The following TBC1D19 variants were observed in gnomAD, a reference collection of about 807,000 sequenced individuals.
The protein encoded by TBC1D19 is TBC1 domain family, member 19.
TBC1D19 carries 60 observed loss-of-function variants against 89.0 expected under a neutral mutation model. The ratio of observed to expected loss-of-function variants is 0.67; its 90% CI spans 0.55 to 0.84. The LOEUF (loss-of-function observed/expected upper bound fraction) is 0.84. Among genes scored for constraint, TBC1D19 ranks in the 40% least tolerant of loss-of-function variants. The pLI, the probability that TBC1D19 is intolerant of heterozygous loss-of-function variation, is 0.00. For synonymous variants in TBC1D19, 189 were observed against 199.7 expected (o/e 0.95, Z 0.45); for missense variants, 500 against 610.8 (o/e 0.82, Z 1.91).
chr4:26,821,125 C>T, the TBC1D19 span, among the ~76,000 whole-genome samples: 2 of 152,230 alleles, frequency 1.3e-5, no homozygotes, highest in Non-Finnish European at 1.5e-5. Flanking sequence ...GAGCAGTTAG[C>T]AGTTCCAGAC....
At chr4:26,769,673 G>A in the TBC1D19 span, among the ~76,000 whole-genome samples, 1 of 151,920 alleles carries the variant, frequency 6.6e-6, no homozygotes, top group African/African-American at 2.4e-5. Flanking sequence ...CTCCCAGGGA[G>A]TAGTTGGGAC....
At chr4:26,831,591 C>CTT in the TBC1D19 span, among the ~76,000 whole-genome samples, 26 of 99,874 alleles carry the variant, frequency 2.6e-4, no homozygotes, top group East Asian at 6.2e-4. Flanking sequence ...TTTTTTTTTT[C>CTT]TTTTTTTTTT....
intron 8 of TBC1D19, among the ~76,000 whole-genome samples, chr4:26,664,720 C>G (rs1396871939): frequency 2.1e-4 from 32 of 151,964 alleles, no homozygotes; most frequent in Admixed American, 2.0e-3. Context: ...TTGCCCACTC[C>G]CAGCTCGAAT....
At chr4:26,656,069 A>G (rs1389484134) in intron 7 of TBC1D19, among the ~76,000 whole-genome samples, 2 of 152,152 alleles carry the variant, frequency 1.3e-5, no homozygotes, top group Non-Finnish European at 2.9e-5. Context: ...TTTTACTTAA[A>G]AATATTTTTA....
chr4:26,832,981 A>C, the TBC1D19 span, among the ~76,000 whole-genome samples: 3 of 152,178 alleles, frequency 2.0e-5, no homozygotes, highest in Non-Finnish European at 4.4e-5. Context: ...ATGAGAGAGC[A>C]AGACCCTGTC....
chr4:26,746,912 G>T (rs576273210), intron 18 of TBC1D19, among the ~76,000 whole-genome samples: 1 of 152,124 alleles, frequency 6.6e-6, no homozygotes, highest in Non-Finnish European at 1.5e-5. Flanking sequence ...TAACCAATGT[G>T]GCTTCTAAGT....
At chr4:26,783,618 A>T in the TBC1D19 span, among the ~76,000 whole-genome samples, 1 of 152,226 alleles carries the variant, frequency 6.6e-6, no homozygotes, top group African/African-American at 2.4e-5. Flanking sequence ...ATCCACTTTT[A>T]TGCAAAAGAA....
At chr4:26,814,489 C>T in the TBC1D19 span, among the ~76,000 whole-genome samples, 4,855 of 152,278 alleles carry the variant, frequency 0.032, 244 homozygotes, top group African/African-American at 0.11. Context: ...GACGTGGCTA[C>T]AGATGACTAG....
intron 3 of TBC1D19, among the ~76,000 whole-genome samples, chr4:26,617,206 G>A (rs1168695174): frequency 7.9e-5 from 12 of 152,146 alleles, no homozygotes; most frequent in Admixed American, 7.9e-4. Context: ...GGCAAGAGGG[G>A]GTTTAACCCA....
chr4:26,614,470 A>G lies in TBC1D19; in HGVS notation c.218+17A>G. On this transcript the variant is annotated intron_variant, in intron 3 of 20. Coordinates refer to ENST00000264866, the MANE Select transcript of TBC1D19 (RefSeq NM_018317.4). ...ACTGAGTGTGTGAGTTTTCCCACCT[A>G]TTTTACAATAGTATTTTGTTTAGCT... The G allele has an allele frequency of 1.3e-6, 2 of 1,573,324 alleles. No homozygotes were observed.
intron 19 of TBC1D19, among the ~76,000 whole-genome samples, chr4:26,748,892 C>T (rs62300967): frequency 0.38 from 57,106 of 152,008 alleles, 11,737 homozygotes; most frequent in Non-Finnish European, 0.47. Flanking sequence ...GCTACCTTAG[C>T]AGTCTGTTCT....
At chr4:26,627,038 C>T (rs10000211) in intron 4 of TBC1D19, among the ~76,000 whole-genome samples, 68,563 of 151,454 alleles carry the variant, frequency 0.45, 17,283 homozygotes, top group Admixed American at 0.6. Context: ...ATCCCTCCCC[C>T]CTCCGCCCAC....
At position 26,734,846 on chromosome 4, in the gene TBC1D19, G is replaced by A. The variant is rs551969094; in HGVS notation, c.1085-609G>A. 3.8e-4 allele frequency among the ~76,000 whole-genome samples: 58 copies of A among 151,668 alleles called. No individual in the cohort carries two copies. In the South Asian group the frequency reaches 8.5e-3, roughly 22 times the overall value. The stretch of plus-strand genomic sequence containing the variant: ...TAAACTTAATTCTGTGATCTGTCTC[G>A]TTATGTTTTTGTCCTGTTGTTTTGT... On this transcript the variant is annotated intron_variant, in intron 15 of 20. Transcript: ENST00000264866.
intron 12 of TBC1D19, among the ~76,000 whole-genome samples, chr4:26,687,579 A>T (rs1340242503): frequency 1.3e-5 from 2 of 152,152 alleles, no homozygotes; most frequent in African/African-American, 4.8e-5. Flanking sequence ...CTTATGAATT[A>T]TATCACAGGA....
intron 8 of TBC1D19, among the ~76,000 whole-genome samples, chr4:26,663,953 A>T (rs1711565126): frequency 6.6e-6 from 1 of 152,174 alleles, no homozygotes; most frequent in Non-Finnish European, 1.5e-5. Flanking sequence ...AGTTGTGATA[A>T]ATTCCTATTT....
chr4:26,828,841 A>G, the TBC1D19 span, among the ~76,000 whole-genome samples: 2 of 152,266 alleles, frequency 1.3e-5, no homozygotes, highest in Non-Finnish European at 1.5e-5. Flanking sequence ...TAGCCCTTAC[A>G]CTAGGGCTTG....
At chr4:26,742,055 A>G (rs1476164147) in intron 17 of TBC1D19, among the ~76,000 whole-genome samples, 1 of 152,124 alleles carries the variant, frequency 6.6e-6, no homozygotes, top group East Asian at 1.9e-4. Context: ...TTCCCTAGTG[A>G]GTGAGGCTGG....
At chr4:26,717,181 A>G (rs1260667010) in intron 13 of TBC1D19, among the ~76,000 whole-genome samples, 1 of 151,838 alleles carries the variant, frequency 6.6e-6, no homozygotes, top group East Asian at 1.9e-4. Context: ...GACTCTGTGC[A>G]CCTGTTCTGC....
At chr4:26,735,412 T>C (rs1717982235) in intron 15 of TBC1D19, 43 bp from the exon 16 acceptor site, 1 of 1,451,816 alleles carries the variant, frequency 6.9e-7, no homozygotes, top group Admixed American at 2.3e-5. Context: ...TAATAATCAG[T>C]AGGCCTACTA....
Sources: gnomAD v4.1 joint callset for allele counts (sites outside exome capture counted in the v4.1 genomes callset) on GRCh38, gnomAD v4.1.1 for gene constraint, MANE v1.5 for transcripts, NCBI Gene and HGNC (gene_info 2026-07-23, HGNC 2026-07-21) for gene names.